The following SLC41A3 variants were observed in gnomAD, a reference collection of about 807,000 sequenced individuals.
SLC41A3 encodes SLC41A1-like 2.
SLC41A3 carries 44 observed loss-of-function variants against 45.4 expected under a neutral mutation model. That is an observed-to-expected ratio of 0.97 (90% confidence interval 0.76 to 1.25). The LOEUF is 1.25. Ranked by LOEUF, SLC41A3 falls within the 50% of genes most tolerant of loss-of-function variation. The probability of loss-of-function intolerance (pLI) is 0.00; values close to 1 mark genes in which losing one functional copy is unlikely to be tolerated. For missense variants in SLC41A3, 550 were observed against 600.6 expected (o/e 0.92, Z 0.88); for synonymous variants, 256 against 252.4 (o/e 1.01, Z -0.13).
At chr3:126,088,340 G>A (rs1945433075), upstream of SLC41A3, among the ~76,000 whole-genome samples, 1 of 152,072 alleles carries the variant, frequency 6.6e-6, no homozygotes, top group African/African-American at 2.4e-5. Context: ...TAATTCACAT[G>A]ATCTTGGTAA....
At chr3:126,065,801 T>TAA (rs1318352725) in intron 2 of SLC41A3, among the ~76,000 whole-genome samples, 3 of 152,162 alleles carry the variant, frequency 2.0e-5, no homozygotes, top group African/African-American at 7.2e-5. Flanking sequence ...CACATCACAA[T>TAA]GAAATGATCA....
Position 126,026,176 on chromosome 3 carries a change from C to T in SLC41A3, c.598+159G>A. On this transcript the variant is annotated intron_variant, in intron 5 of 10. Coordinates refer to ENST00000360370, the MANE Select transcript of SLC41A3 (RefSeq NM_017836.4). The surrounding 1 kb of genome is among the most constrained non-coding windows in gnomAD (Gnocchi z 4.2). Reference sequence around the variant, plus strand: ...CACAAGGTGGGCCATGAAGACCCAGCTGGCTCGTCCCACCCTGCCAGTGAG... The same window carrying T: ...CACAAGGTGGGCCATGAAGACCCAGTTGGCTCGTCCCACCCTGCCAGTGAG... 10 of 1,153,144 alleles carry T rather than the reference C, an allele frequency of 8.7e-6. No individual in the cohort carries two copies. The South Asian group carries it at 1.3e-4, about 15-fold the overall frequency. The allele number at this position is 1,153,144 out of a possible 1,614,324, so 71.4% of individuals were successfully genotyped here.
chr3:126,068,182 C>G lies in SLC41A3; in HGVS notation c.38G>C (p.Ser13Thr). 1.9e-6 allele frequency: 3 copies of G among 1,574,588 alleles called. No individual in the cohort carries two copies. The highest frequency in any genetic ancestry group is 2.6e-6 in the Non-Finnish European group (3 of 1,161,426). ...GTETRQRRLD[S>T]CGKPGELGLP... ...CCCCAGCTCCCCTGGCTTGCCACAG[C>G]TGTCCAGCCTCCGCTGCCGGGTCTC... The change falls in exon 2 of 11, where the codon AGC (serine) becomes ACC (threonine). Residue 13 changes from serine (S) to threonine (T), a missense_variant. Coordinates refer to ENST00000360370, the MANE Select transcript of SLC41A3 (RefSeq NM_017836.4).
At chr3:126,037,452 C>G (rs2134520) in intron 3 of SLC41A3, among the ~76,000 whole-genome samples, 52,932 of 151,984 alleles carry the variant, frequency 0.35, 10,332 homozygotes, top group African/African-American at 0.54. Context: ...GTGGAAATGA[C>G]AAAGTTATTG....
At chr3:126,059,952 C>T (rs917217093) in intron 2 of SLC41A3, among the ~76,000 whole-genome samples, 6 of 152,188 alleles carry the variant, frequency 3.9e-5, no homozygotes, top group African/African-American at 1.4e-4. Context: ...TAGTTTCGGA[C>T]GTGGTCAAAC....
At chr3:126,018,528 T>G (rs968929559) in intron 6 of SLC41A3, among the ~76,000 whole-genome samples, 6 of 152,190 alleles carry the variant, frequency 3.9e-5, no homozygotes, top group Non-Finnish European at 8.8e-5. Context: ...AGGGTCCCAG[T>G]GCCCATACCC....
At chr3:126,030,664 TG>T (rs1254159769) in intron 4 of SLC41A3, among the ~76,000 whole-genome samples, 1 of 151,926 alleles carries the variant, frequency 6.6e-6, no homozygotes, top group Non-Finnish European at 1.5e-5. Context: ...GGTGAATGGG[TG>T]GGTGGATGGA....
Position 126,059,742 on chromosome 3 carries a change from C to G in SLC41A3, c.273+8205G>C, listed in dbSNP as rs568552778. 1.3e-3 allele frequency among the ~76,000 whole-genome samples: 193 copies of G among 152,274 alleles called. 3 individuals carry two copies. The South Asian group carries it at 0.037, about 29-fold the overall frequency. The stretch of plus-strand genomic sequence containing the variant: ...GGAGGCAGAGAGAAATGGCCTGATT[C>G]TGAGAGAAGTGTTGCAGAAGGTTAC... On this transcript the variant is annotated intron_variant, in intron 2 of 10. Coordinates refer to ENST00000360370, the MANE Select transcript of SLC41A3 (RefSeq NM_017836.4).
intron 9 of SLC41A3, among the ~76,000 whole-genome samples, chr3:126,011,401 A>G (rs1205364191): frequency 1.3e-5 from 2 of 152,226 alleles, no homozygotes; most frequent in Non-Finnish European, 2.9e-5. Flanking sequence ...AAATGAGCCA[A>G]TCTAAACAAG....
At chr3:126,056,329 C>T (rs763998650) in intron 2 of SLC41A3, 1 of 1,607,032 alleles carries the variant, frequency 6.2e-7, no homozygotes. Context: ...TGTCTCCCAC[C>T]CCTGATCCCC....
In SLC41A3 at chr3:126,098,925, C is replaced by CTTTT. The variant is rs57262035; in HGVS notation, c.-79+2500_-79+2503dup. Reference sequence around the variant, plus strand: ...TCCAGGAGGGATGGACATGACCTGGCTTTTTTTTTTTTTTTTTTTTTTGTA... The same window carrying CTTTT: ...TCCAGGAGGGATGGACATGACCTGGCTTTTTTTTTTTTTTTTTTTTTTTTTTGTA... On this transcript the variant is annotated intron_variant, in intron 1 of 9. Transcript: ENST00000508835. Among the ~76,000 whole-genome samples, 173 of 109,622 alleles carry CTTTT rather than the reference C, an allele frequency of 1.6e-3. 3 individuals carry two copies. Among genetic ancestry groups the CTTTT allele is most frequent in the African/African-American group, 4.9e-3 (124 of 25,376 alleles). 71.9% of individuals were successfully genotyped at this position (109,622 alleles called of 152,430 possible).
intron 2 of SLC41A3, among the ~76,000 whole-genome samples, chr3:126,060,311 CG>C (rs1459245906): frequency 6.6e-6 from 1 of 152,028 alleles, no homozygotes; most frequent in Non-Finnish European, 1.5e-5. Context: ...CCCAGCTACT[CG>C]GGAGGCTGAG....
chr3:126,062,065 A>G (rs1309757302), intron 2 of SLC41A3, among the ~76,000 whole-genome samples: 1 of 152,218 alleles, frequency 6.6e-6, no homozygotes, highest in African/African-American at 2.4e-5. Flanking sequence ...AATGCAAATT[A>G]CAACAGGACC....
intron 3 of SLC41A3, 107 bp downstream of exon 3, chr3:126,050,836 T>C (rs907151740): frequency 1.5e-5 from 22 of 1,426,234 alleles, no homozygotes; most frequent in African/African-American, 1.4e-4. Flanking sequence ...GAAATATCCA[T>C]TGTTTTGGAG....
chr3:126,015,900 C>T (rs1365690908), intron 7 of SLC41A3, among the ~76,000 whole-genome samples: 2 of 152,220 alleles, frequency 1.3e-5, no homozygotes, highest in African/African-American at 4.8e-5. Context: ...CTGAGATGCT[C>T]TTTAGCAGAA....
rs56806357 is a variant in SLC41A3, at chr3:126,063,949, A to ACCCCCC, written c.273+3992_273+3997dup. The stretch of plus-strand genomic sequence containing the variant: ...ACAGGCACTGATTAAGCCAGATCCA[A>ACCCCCC]CCCCCCCCCGGGGACACACACTCCC... On this transcript the variant is annotated intron_variant, in intron 2 of 10. Transcript: ENST00000360370. Among the ~76,000 whole-genome samples the ACCCCCC allele has an allele frequency of 8.9e-3, 901 of 101,240 alleles. 62 individuals are homozygous for ACCCCCC. The highest frequency in any genetic ancestry group is 0.034 in the East Asian group (93 of 2,768). 66.4% of individuals were successfully genotyped at this position (101,240 alleles called of 152,430 possible).
chr3:126,073,670 T>G (rs1944738572), intron 1 of SLC41A3, among the ~76,000 whole-genome samples: 1 of 151,886 alleles, frequency 6.6e-6, no homozygotes, highest in African/African-American at 2.4e-5. Flanking sequence ...TACTGACTCG[T>G]GAAGAAATAA....
intron 5 of SLC41A3, chr3:126,025,789 A>G (rs1004622538): frequency 6.5e-6 from 1 of 152,738 alleles, no homozygotes; most frequent in African/African-American, 2.4e-5. Flanking sequence ...CACGAGGAGT[A>G]AATGTCTGCT....
chr3:126,029,188 T>C (rs1941605914), intron 4 of SLC41A3, among the ~76,000 whole-genome samples: 1 of 152,192 alleles, frequency 6.6e-6, no homozygotes, highest in South Asian at 2.1e-4. Context: ...TGAAATTATA[T>C]AGTTTGTATT....
Sources: allele counts gnomAD v4.1 joint callset (sites outside exome capture counted in the v4.1 genomes callset), GRCh38; gene constraint gnomAD v4.1.1; non-coding constraint Gnocchi (gnomAD v3.1); transcripts MANE v1.5; gene names NCBI Gene and HGNC (gene_info 2026-07-23, HGNC 2026-07-21).